The following ZNF480 variants were observed in gnomAD, a reference collection of about 807,000 sequenced individuals.
ZNF480 encodes zinc finger protein 480.
A neutral mutation model predicts 14.4 loss-of-function variants in ZNF480; 15 were observed. The ratio of observed to expected loss-of-function variants is 1.04; its 90% CI spans 0.70 to 1.60. The LOEUF (loss-of-function observed/expected upper bound fraction) is 1.60, where lower values mean the gene tolerates loss of function less well. ZNF480 is among the 40% of genes most tolerant of loss of function. The probability of loss-of-function intolerance (pLI) is 0.00; values close to 1 mark genes in which losing one functional copy is unlikely to be tolerated. For synonymous variants in ZNF480, 218 were observed against 215.5 expected, an observed-to-expected ratio of 1.01 and a Z score of -0.10; for missense variants, 593 against 629.7, an observed-to-expected ratio of 0.94 and a Z score of 0.62.
At chr19:52,303,190 T>G (rs1250714918) in intron 2 of ZNF480, among the ~76,000 whole-genome samples, 1 of 152,206 alleles carries the variant, frequency 6.6e-6, no homozygotes, top group Non-Finnish European at 1.5e-5. Flanking sequence ...AAGACTTTAG[T>G]TTTTGATCCA....
intron 4 of ZNF480, among the ~76,000 whole-genome samples, chr19:52,317,058 C>T (rs1411217908): frequency 6.6e-6 from 1 of 152,088 alleles, no homozygotes; most frequent in Non-Finnish European, 1.5e-5. Flanking sequence ...CACTGTCTCG[C>T]CCAGGCTGAA....
At chr19:52,312,079 G>C (rs539594749) in intron 2 of ZNF480, among the ~76,000 whole-genome samples, 9 of 151,560 alleles carry the variant, frequency 5.9e-5, no homozygotes, top group Admixed American at 5.3e-4. Context: ...GGAAATTGTC[G>C]TACACCATCA....
intron 2 of ZNF480, chr19:52,301,006 C>A: frequency 6.4e-6 from 1 of 157,388 alleles, no homozygotes; most frequent in Non-Finnish European, 1.4e-5. Flanking sequence ...CAGCTTCTAG[C>A]AGTGTGTGTC....
In ZNF480 at chr19:52,322,613, T is replaced by G; in HGVS notation, c.1363T>G (p.Tyr455Asp). Residue 455 changes from tyrosine (Y) to aspartate (D), a missense_variant, in exon 5 of 5, where the codon TAC becomes GAC. Transcript: ENST00000595962. ...TGTAATCCACACTGGAGAGAAGCCT[T>G]ACAAATGTAGTGAATGTGGCAAGGC... ...HLVIHTGEKP[Y>D]KCSECGKAFR... The G allele has an allele frequency of 6.2e-7, 1 of 1,614,082 alleles. No individual in the cohort carries two copies. Among genetic ancestry groups the G allele is most frequent in the Non-Finnish European group, 8.5e-7 (1 of 1,180,008 alleles).
At chr19:52,297,293 G>C (rs1253162622) in intron 1 of ZNF480, 70 bp downstream of exon 1, 4 of 434,808 alleles carry the variant, frequency 9.2e-6, no homozygotes, top group Non-Finnish European at 1.8e-5. Context: ...CGGGATCTGA[G>C]GGGCCACACA....
At position 52,322,796 on chromosome 19, in the gene ZNF480, T is replaced by A; in HGVS notation, c.1546T>A (p.Cys516Ser). The A allele has an allele frequency of 6.2e-7, 1 of 1,611,964 alleles. No homozygotes were observed. Among genetic ancestry groups the A allele is most frequent in the Non-Finnish European group, 8.5e-7 (1 of 1,178,484 alleles). The stretch of plus-strand genomic sequence containing the variant: ...AGAGAAACCTTACAAATGTAATGAG[T>A]GTGGCAAGGCCTTTAGTCGCATTTC... ...TGEKPYKCNECGKAFSRISYL... is the reference protein window; with the variant it reads ...TGEKPYKCNESGKAFSRISYL... Residue 516 changes from cysteine to serine, a missense_variant, in exon 5 of 5, where the codon TGT becomes AGT. By Grantham distance (112) the Cys-to-Ser change is moderately radical (BLOSUM62 -1). Transcript: ENST00000595962.
intron 2 of ZNF480, among the ~76,000 whole-genome samples, chr19:52,305,255 C>T (rs997519809): frequency 1.1e-4 from 17 of 152,292 alleles, no homozygotes; most frequent in African/African-American, 3.4e-4. Context: ...ATTGGCCACA[C>T]GGACAGCCAG....
At chr19:52,299,131 TTGA>T (rs1452193883) in intron 1 of ZNF480, among the ~76,000 whole-genome samples, 3 of 152,212 alleles carry the variant, frequency 2.0e-5, no homozygotes, top group African/African-American at 7.2e-5. Flanking sequence ...GGTCAGTGAC[TTGA>T]GTCATTCAGG....
At chr19:52,306,237 C>G (rs946936363) in intron 2 of ZNF480, among the ~76,000 whole-genome samples, 2 of 152,230 alleles carry the variant, frequency 1.3e-5, no homozygotes, top group African/African-American at 4.8e-5. Context: ...GCTGAATCTG[C>G]AATCACCTTT....
chr19:52,304,165 G>T (rs929681155), intron 2 of ZNF480, among the ~76,000 whole-genome samples: 23 of 152,206 alleles, frequency 1.5e-4, no homozygotes, highest in Non-Finnish European at 3.2e-4. Context: ...CAATGAAAAC[G>T]CTTAGCAGGC....
At chr19:52,308,383 T>C (rs999939284) in intron 2 of ZNF480, among the ~76,000 whole-genome samples, 13 of 148,018 alleles carry the variant, frequency 8.8e-5, no homozygotes, top group Admixed American at 2.1e-4. Flanking sequence ...CTCGGCTCAC[T>C]ACAACTTCTG....
At chr19:52,309,242 G>A (rs955472430) in intron 2 of ZNF480, among the ~76,000 whole-genome samples, 6 of 152,162 alleles carry the variant, frequency 3.9e-5, no homozygotes, top group East Asian at 3.8e-4. Context: ...GGGAAGATGC[G>A]CTCTGGTCAG....
intron 4 of ZNF480, among the ~76,000 whole-genome samples, chr19:52,319,963 G>C (rs769186741): frequency 3.0e-4 from 45 of 151,836 alleles, no homozygotes; most frequent in Admixed American, 6.6e-5. Context: ...GATTACAGGT[G>C]CATGCCCCCA....
Position 52,324,031 on chromosome 19 carries a change from T to G in ZNF480, c.*1173T>G, listed in dbSNP as rs759542984. On this transcript the variant is annotated 3_prime_UTR_variant, in exon 5 of 5. Coordinates refer to ENST00000595962, the MANE Select transcript of ZNF480 (RefSeq NM_144684.4). Reference sequence around the variant, plus strand: ...CAGTTTCTCTTGCAGAAGATATAATTCTGTATTTAGAAAACCTGTTGTCTC... The same window carrying G: ...CAGTTTCTCTTGCAGAAGATATAATGCTGTATTTAGAAAACCTGTTGTCTC... 1 of 152,056 alleles carries G rather than the reference T, an allele frequency of 6.6e-6. No homozygotes were observed. Among genetic ancestry groups the G allele is most frequent in the Non-Finnish European group, 1.5e-5 (1 of 67,980 alleles). The allele number at this position is 152,056 out of a possible 1,614,324, so 9.4% of individuals were successfully genotyped here. A position where few individuals can be genotyped will look rare whatever the true frequency, so the allele number is the denominator to read the frequency against.
In ZNF480 at chr19:52,315,960, C is replaced by T. The variant is rs780299156; in HGVS notation, c.326C>T (p.Thr109Ile). 2.5e-6 allele frequency: 4 copies of T among 1,603,510 alleles called. 1 individual carries two copies. The South Asian group carries it at 4.5e-5, about 18-fold the overall frequency. ...DGRECIKGVN[T>I]GSSYALGSNA... ...AGGGAGTGCATCAAAGGTGTGAACA[C>T]AGGTAAGAGCTCAGATGGGCATGGT... is the stretch of plus-strand genomic sequence containing the variant. The change falls in exon 4 of 5, where the codon ACA becomes ATA. Residue 109 changes from threonine to isoleucine, a missense_variant and splice_region_variant. Physicochemically the swap from Thr to Ile is moderately conservative, Grantham distance 89. Transcript: ENST00000595962.
chr19:52,313,134 CTTTTTTT>C lies in ZNF480; in HGVS notation c.73-1008_73-1002del, dbSNP rs33954410. Reference sequence around the variant, plus strand: ...CCGCGCCCAGCCTATAATTCTTTCTCTTTTTTTTTTTTTTTTTGTGAGATGAAGTCTC... The same window carrying C: ...CCGCGCCCAGCCTATAATTCTTTCTCTTTTTTTTTTGTGAGATGAAGTCTC... On this transcript the variant is annotated intron_variant, in intron 2 of 4. Transcript: ENST00000595962. Among the ~76,000 whole-genome samples, 30 of 131,730 alleles carry C rather than the reference CTTTTTTT, an allele frequency of 2.3e-4. 1 individual carries two copies. In the East Asian group the frequency reaches 6.4e-3, roughly 28 times the overall value. 86.4% of individuals were successfully genotyped at this position (131,730 alleles called of 152,430 possible). A position where few individuals can be genotyped will look rare whatever the true frequency, so the allele number is the denominator to read the frequency against.
At position 52,297,211 on chromosome 19, in the gene ZNF480, C is replaced by G. The variant is rs541984473; in HGVS notation, c.-32C>G. ...GAAGCGGATCGCGTGGAGTGAAGGT[C>G]ACGCCGCGGCGCGTGAGTTTCCCTT... is the stretch of plus-strand genomic sequence containing the variant. On this transcript the variant is annotated 5_prime_UTR_variant, in exon 1 of 5. Coordinates refer to ENST00000595962, the MANE Select transcript of ZNF480 (RefSeq NM_144684.4). 4.5e-6 allele frequency: 2 copies of G among 440,314 alleles called. No individual in the cohort carries two copies. Among genetic ancestry groups the G allele is most frequent in the South Asian group, 3.1e-5 (2 of 63,564 alleles). 27.3% of individuals were successfully genotyped at this position (440,314 alleles called of 1,614,324 possible).
In ZNF480 at chr19:52,305,222, C is replaced by T. The variant is rs145155850; in HGVS notation, c.72+4738C>T. On this transcript the variant is annotated intron_variant, in intron 2 of 4. Transcript: ENST00000595962. ...ACTTTAGGGGCTATGCCAACTCCAA[C>T]TGTGTTAAATCGAGTGGGTTGAATT... Among the ~76,000 whole-genome samples the T allele has an allele frequency of 2.9e-3, 445 of 152,306 alleles. 8 individuals are homozygous for T. Among genetic ancestry groups the T allele is most frequent in the East Asian group, 0.028 (144 of 5,186 alleles).
At chr19:52,299,102 C>T (rs896611937) in intron 1 of ZNF480, among the ~76,000 whole-genome samples, 6 of 152,216 alleles carry the variant, frequency 3.9e-5, no homozygotes, top group African/African-American at 1.4e-4. Context: ...CTTCCACTCA[C>T]ATTCCCTATT....
Sources: allele counts gnomAD v4.1 joint callset (sites outside exome capture counted in the v4.1 genomes callset), GRCh38; gene constraint gnomAD v4.1.1; transcripts MANE v1.5; gene names NCBI Gene and HGNC (gene_info 2026-07-23, HGNC 2026-07-21).